Variants in SLC25A26 observed in about 807,000 individuals in gnomAD.
SLC25A26 encodes the protein mitochondrial S-adenosylmethionine carrier protein.
A neutral mutation model predicts 37.8 loss-of-function variants in SLC25A26; 36 were observed. The observed-to-expected ratio is 0.95, with a 90% CI of 0.73 to 1.26. SLC25A26 has a LOEUF of 1.26. Among genes scored for constraint, SLC25A26 ranks in the 50% most tolerant of loss-of-function variants. SLC25A26 has a pLI of 0.00. For missense variants in SLC25A26, 390 were observed against 331.1 expected (o/e 1.18, Z -1.38); for synonymous variants, 129 against 122.5 (o/e 1.05, Z -0.35).
At chr3:66,323,644 A>C (rs374230775) in intron 5 of SLC25A26, among the ~76,000 whole-genome samples, 14 of 152,188 alleles carry the variant, frequency 9.2e-5, no homozygotes, top group African/African-American at 3.4e-4. Flanking sequence ...CTGTCTCTAC[A>C]AAAAGAAAAA....
intron 1 of SLC25A26, among the ~76,000 whole-genome samples, chr3:66,174,794 A>G (rs1035820293): frequency 7.2e-6 from 1 of 139,006 alleles, no homozygotes. Context: ...ACTCCGTCTC[A>G]AAAAGAAAAA....
intron 1 of SLC25A26, among the ~76,000 whole-genome samples, chr3:66,147,479 A>C (rs2070136947): frequency 6.7e-6 from 1 of 150,118 alleles, no homozygotes; most frequent in East Asian, 2.0e-4. Flanking sequence ...TTCTTTATTC[A>C]CTCGTTGGTT....
At chr3:66,350,719 C>G (rs533375182) in intron 6 of SLC25A26, among the ~76,000 whole-genome samples, 1 of 151,856 alleles carries the variant, frequency 6.6e-6, no homozygotes, top group African/African-American at 2.4e-5. Context: ...TGTGTGAGCG[C>G]GCGCGTGCGC....
intron 9 of SLC25A26, among the ~76,000 whole-genome samples, chr3:66,375,694 GAA>G (rs770981241): frequency 4.6e-5 from 7 of 152,124 alleles, no homozygotes; most frequent in Admixed American, 3.3e-4. Context: ...GTGCTCAGAG[GAA>G]AAGATTCCTT....
intron 5 of SLC25A26, chr3:66,323,752 G>C (rs2075760790): frequency 6.6e-6 from 1 of 152,270 alleles, no homozygotes; most frequent in South Asian, 2.1e-4. Context: ...GGTCAGGGCT[G>C]CAGTGAACCT....
At chr3:66,182,144 T>A (rs897935217) in intron 1 of SLC25A26, among the ~76,000 whole-genome samples, 4 of 152,190 alleles carry the variant, frequency 2.6e-5, no homozygotes, top group Admixed American at 2.0e-4. Context: ...GTGGAGCAGA[T>A]AATCAATATC....
At chr3:66,324,134 GA>G (rs369886327) in intron 5 of SLC25A26, 6 of 119,468 alleles carry the variant, frequency 5.0e-5, no homozygotes, top group African/African-American at 1.2e-4. Context: ...CCTGGGCAAT[GA>G]AAAAAAAGTG....
chr3:66,184,443 A>T (rs898743823), intron 1 of SLC25A26, among the ~76,000 whole-genome samples: 5 of 152,002 alleles, frequency 3.3e-5, no homozygotes, highest in African/African-American at 1.2e-4. Context: ...TCTGACCCTT[A>T]TCCTTGTCCT....
intron 5 of SLC25A26, among the ~76,000 whole-genome samples, chr3:66,289,932 G>T (rs1043650510): frequency 7.2e-5 from 11 of 152,122 alleles, no homozygotes; most frequent in Non-Finnish European, 7.3e-5. Context: ...TCACGTTAAT[G>T]ATTCTTCTTA....
intron 5 of SLC25A26, among the ~76,000 whole-genome samples, chr3:66,270,099 G>C (rs1283511530): frequency 1.3e-5 from 2 of 152,272 alleles, no homozygotes; most frequent in East Asian, 1.9e-4. Context: ...ATGTAGGGTA[G>C]TGAATCAGGC....
At chr3:66,153,350 G>A (rs1004381914) in intron 1 of SLC25A26, among the ~76,000 whole-genome samples, 3 of 152,130 alleles carry the variant, frequency 2.0e-5, no homozygotes, top group Non-Finnish European at 4.4e-5. Context: ...CAATGTATTC[G>A]GGCATACTGA....
At position 66,198,941 on chromosome 3, in the gene SLC25A26, C is replaced by T. The variant is rs964432476; in HGVS notation, c.-353-21801C>T. On this transcript the variant is annotated intron_variant, in intron 1 of 10. Coordinates refer to the SLC25A26 transcript ENST00000676754. The stretch of plus-strand genomic sequence containing the variant: ...CCCTCACCCTGACCCTGATCTTGAC[C>T]TTGACCTGACTTGGCACTGACCCTC... Among the ~76,000 whole-genome samples, 31 of 151,984 alleles carry T rather than the reference C, an allele frequency of 2.0e-4. No homozygotes were observed. In the South Asian group the frequency reaches 3.8e-3, roughly 18 times the overall value.
intron 5 of SLC25A26, among the ~76,000 whole-genome samples, chr3:66,297,928 G>T (rs544593794): frequency 3.9e-5 from 6 of 152,156 alleles, no homozygotes; most frequent in Non-Finnish European, 8.8e-5. Flanking sequence ...TGTCTTTAAA[G>T]GATATAGCAT....
intron 6 of SLC25A26, among the ~76,000 whole-genome samples, chr3:66,349,873 A>G (rs1002189757): frequency 1.3e-5 from 2 of 152,084 alleles, no homozygotes; most frequent in East Asian, 1.9e-4. Context: ...TCTTGTTACT[A>G]TTAGGTTAAA....
intron 3 of SLC25A26, among the ~76,000 whole-genome samples, chr3:66,247,520 A>G (rs2072905473): frequency 6.6e-6 from 1 of 152,172 alleles, no homozygotes; most frequent in African/African-American, 2.4e-5. Flanking sequence ...TATGTTGCCC[A>G]GGCTAGTCTT....
At chr3:66,156,179 C>G (rs993228960) in intron 1 of SLC25A26, among the ~76,000 whole-genome samples, 1 of 152,132 alleles carries the variant, frequency 6.6e-6, no homozygotes, top group Non-Finnish European at 1.5e-5. Context: ...AGCCCATCAA[C>G]AGCAAGGGCA....
chr3:66,170,489 C>T (rs908373462), intron 1 of SLC25A26, among the ~76,000 whole-genome samples: 4 of 152,144 alleles, frequency 2.6e-5, no homozygotes, highest in African/African-American at 9.7e-5. Context: ...TGATGAAGAG[C>T]GCATGGTACT....
intron 5 of SLC25A26, among the ~76,000 whole-genome samples, chr3:66,279,073 A>G (rs1239441321): frequency 6.6e-6 from 1 of 152,170 alleles, no homozygotes; most frequent in Non-Finnish European, 1.5e-5. Flanking sequence ...GCACTCTATC[A>G]GTTGCTAAAA....
chr3:66,254,594 C>A (rs1388412250), intron 3 of SLC25A26, among the ~76,000 whole-genome samples: 2 of 152,210 alleles, frequency 1.3e-5, no homozygotes, highest in Non-Finnish European at 2.9e-5. Flanking sequence ...TGAAATTAAA[C>A]CTTGAACCTC....
Sources: allele counts gnomAD v4.1 joint callset (sites outside exome capture counted in the v4.1 genomes callset), GRCh38; gene constraint gnomAD v4.1.1; transcripts MANE v1.5; gene names NCBI Gene and HGNC (gene_info 2026-07-23, HGNC 2026-07-21).